LIPA: variants seen among roughly 807,000 people sequenced by gnomAD.
The protein encoded by LIPA is lysosomal acid lipase/cholesteryl ester hydrolase.
In LIPA, 26 loss-of-function variants were observed where a neutral mutation model predicts 40.6. The ratio of observed to expected loss-of-function variants is 0.64; its 90% CI spans 0.47 to 0.89. The LOEUF is 0.89. Ranked by LOEUF, LIPA falls within the 40% of genes least tolerant of loss-of-function variation. The probability of loss-of-function intolerance (pLI) is 0.00; values close to 1 mark genes in which losing one functional copy is unlikely to be tolerated. For synonymous variants in LIPA, 188 were observed against 168.4 expected (o/e 1.12, Z -0.90); for missense variants, 455 against 479.6 (o/e 0.95, Z 0.48).
intron 2 of LIPA, among the ~76,000 whole-genome samples, chr10:89,383,109 T>C (rs1844175565): frequency 6.6e-6 from 1 of 152,204 alleles, no homozygotes; most frequent in South Asian, 2.1e-4. Flanking sequence ...ACCTATCTGT[T>C]GGCACTACAA....
At chr10:89,230,539 C>A (rs1028061526) in intron 3 of LIPA, among the ~76,000 whole-genome samples, 1 of 152,148 alleles carries the variant, frequency 6.6e-6, no homozygotes, top group Non-Finnish European at 1.5e-5. Context: ...CTCCTGGACT[C>A]AAGCGATCCA....
chr10:89,350,998 T>TG (rs1204956793), intron 2 of LIPA, among the ~76,000 whole-genome samples: 1 of 152,208 alleles, frequency 6.6e-6, no homozygotes, highest in Admixed American at 6.5e-5. Flanking sequence ...CCCCAGCCTA[T>TG]GAACCTAAGA....
At chr10:89,364,888 G>A (rs1402107641) in intron 2 of LIPA, among the ~76,000 whole-genome samples, 3 of 152,072 alleles carry the variant, frequency 2.0e-5, no homozygotes, top group African/African-American at 7.2e-5. Flanking sequence ...CAACCTCTAA[G>A]AAGCTGTGAA....
chr10:89,367,182 G>C (rs567582149), intron 2 of LIPA, among the ~76,000 whole-genome samples: 3 of 137,456 alleles, frequency 2.2e-5, no homozygotes, highest in East Asian at 5.2e-4. Context: ...TCGTGGGGTG[G>C]GGGGAGGGGC....
chr10:89,385,864 T>C (rs1303201794), intron 2 of LIPA, among the ~76,000 whole-genome samples: 1 of 152,220 alleles, frequency 6.6e-6, no homozygotes, highest in Non-Finnish European at 1.5e-5. Context: ...CTAAGAGCTT[T>C]GCTAAGATCA....
At chr10:89,218,796 C>G (rs1423974946) in intron 8 of LIPA, among the ~76,000 whole-genome samples, 1 of 152,122 alleles carries the variant, frequency 6.6e-6, no homozygotes, top group Non-Finnish European at 1.5e-5. Flanking sequence ...TCAGTCTGGG[C>G]CACCTCTCTC....
chr10:89,253,582 C>T (rs1252323974), upstream of LIPA, among the ~76,000 whole-genome samples: 4 of 152,146 alleles, frequency 2.6e-5, no homozygotes, highest in Non-Finnish European at 5.9e-5. Context: ...TATCATTCTG[C>T]CCTTGGCCAC....
At chr10:89,278,116 G>T (rs543721479) in intron 1 of LIPA, 1 of 152,290 alleles carries the variant, frequency 6.6e-6, no homozygotes, top group South Asian at 2.1e-4. Context: ...GGTGGGACCA[G>T]CAAGAGGGAC....
chr10:89,238,998 G>A (rs1842936689), intron 3 of LIPA, among the ~76,000 whole-genome samples: 1 of 152,202 alleles, frequency 6.6e-6, no homozygotes, highest in Admixed American at 6.5e-5. Flanking sequence ...GAAGGATAGA[G>A]TGAAGTGGCA....
intron 1 of LIPA, among the ~76,000 whole-genome samples, chr10:89,312,876 C>T (rs1156453514): frequency 6.6e-6 from 1 of 151,492 alleles, no homozygotes; most frequent in African/African-American, 2.4e-5. Context: ...CCAGAGAAAG[C>T]AGGGGCTTAG....
At chr10:89,223,982 C>A (rs1842735218) in intron 6 of LIPA, 152 bp from the exon 7 acceptor site, 3 of 759,036 alleles carry the variant, frequency 4.0e-6, no homozygotes, top group East Asian at 5.2e-5. Flanking sequence ...AATCAGGATG[C>A]TTTTGCACAA....
chr10:89,383,386 T>C (rs1844177569), intron 2 of LIPA: 1 of 1,614,052 alleles, frequency 6.2e-7, no homozygotes, highest in African/African-American at 1.3e-5. Flanking sequence ...TACATGGAAG[T>C]TGTTAATTGA....
At chr10:89,340,596 T>TGTTCATTATA (rs1843854581) in intron 1 of LIPA, 1 of 152,040 alleles carries the variant, frequency 6.6e-6, no homozygotes, top group Non-Finnish European at 1.4e-5. Context: ...TGTTTTCTCA[T>TGTTCATTATA]GTTCATTATA....
At chr10:89,243,985 GA>G (rs941618835) in intron 3 of LIPA, among the ~76,000 whole-genome samples, 38 of 151,630 alleles carry the variant, frequency 2.5e-4, no homozygotes, top group South Asian at 6.3e-4. Context: ...TTCTTTGGGG[GA>G]AAAAAAAGGA....
chr10:89,290,400 A>T (rs1843367351), intron 1 of LIPA, among the ~76,000 whole-genome samples: 1 of 152,094 alleles, frequency 6.6e-6, no homozygotes, highest in Non-Finnish European at 1.5e-5. Context: ...GCCCTGAGAA[A>T]CATCGCCCAT....
intron 1 of LIPA, chr10:89,302,141 C>A (rs761524348): frequency 1.2e-6 from 2 of 1,613,768 alleles, no homozygotes. Flanking sequence ...AAATATTTTC[C>A]CTTCGTATTC....
intron 1 of LIPA, chr10:89,307,340 C>T (rs1386761492): frequency 6.2e-7 from 1 of 1,608,726 alleles, no homozygotes; most frequent in Non-Finnish European, 8.5e-7. Flanking sequence ...GTCTGGAAGC[C>T]TCATCCCTTC....
intron 2 of LIPA, among the ~76,000 whole-genome samples, chr10:89,396,435 G>C (rs1420502147): frequency 6.6e-6 from 1 of 152,306 alleles, no homozygotes; most frequent in Admixed American, 6.5e-5. Flanking sequence ...CACTGGAGAA[G>C]GTCAAAGGGG....
chr10:89,359,245 G>T (rs948799109), intron 2 of LIPA, among the ~76,000 whole-genome samples: 20 of 151,946 alleles, frequency 1.3e-4, no homozygotes, highest in African/African-American at 4.6e-4. Flanking sequence ...GACACATTTT[G>T]GGGCACATAT....
Sources: gnomAD v4.1 joint callset for allele counts (sites outside exome capture counted in the v4.1 genomes callset) on GRCh38, gnomAD v4.1.1 for gene constraint, MANE v1.5 for transcripts, NCBI Gene and HGNC (gene_info 2026-07-23, HGNC 2026-07-21) for gene names.